CACNA1E: variants seen among roughly 807,000 people sequenced by gnomAD.
The protein encoded by CACNA1E is calcium voltage-gated channel subunit alpha1 E.
CACNA1E carries 40 observed loss-of-function variants against 259.2 expected under a neutral mutation model. The ratio of observed to expected loss-of-function variants is 0.15; its 90% CI spans 0.12 to 0.20. The LOEUF (loss-of-function observed/expected upper bound fraction) is 0.20. Ranked by LOEUF, CACNA1E falls within the 10% of genes least tolerant of loss-of-function variation. The pLI is 1.00. For synonymous variants in CACNA1E, 1,104 were observed against 1,138.5 expected, an observed-to-expected ratio of 0.97 and a Z score of 0.61; for missense variants, 1,874 against 3,040.1, an observed-to-expected ratio of 0.62 and a Z score of 9.02.
At chr1:181,641,703 GTTTTTTTTT>G (rs751082929) in intron 6 of CACNA1E, among the ~76,000 whole-genome samples, 3 of 81,116 alleles carry the variant, frequency 3.7e-5, no homozygotes, top group Admixed American at 1.5e-4. Context: ...CTAATTTTTT[GTTTTTTTTT>G]TTTTTTTTTT....
chr1:181,701,962 G>A (rs879382445), intron 7 of CACNA1E, among the ~76,000 whole-genome samples: 1 of 152,148 alleles, frequency 6.6e-6, no homozygotes, highest in Non-Finnish European at 1.5e-5. Context: ...CAGCAGAGGG[G>A]AAGGAGGGTG....
At position 181,755,378 on chromosome 1, in the gene CACNA1E, G is replaced by A. The variant is rs971399875; in HGVS notation, c.3970G>A (p.Asp1324Asn). 1 of 1,613,768 alleles carries A rather than the reference G, an allele frequency of 6.2e-7. No individual in the cohort carries two copies. Among genetic ancestry groups the A allele is most frequent in the Non-Finnish European group, 8.5e-7 (1 of 1,179,836 alleles). The part of the protein sequence containing the change: ...KFFYCTDSSK[D>N]TEKECIGNYV... ...CTTTTATTGCACGGACAGTTCCAAG[G>A]ACACAGAGAAGGAGTGCATGTAAGT... Residue 1324 changes from aspartate (D) to asparagine (N), a missense_variant, in exon 28 of 48, where the codon GAC (aspartate) becomes AAC (asparagine). By Grantham distance (23) the Asp-to-Asn change is conservative. Around this residue, in one of 14 missense-constraint regions of CACNA1E, gnomAD observed 188 missense variants for 540.6 expected, o/e 0.35. Transcript: ENST00000367573.
chr1:181,398,856 C>T (rs1656881366), intron 1 of CACNA1E, among the ~76,000 whole-genome samples: 1 of 152,170 alleles, frequency 6.6e-6, no homozygotes, highest in Admixed American at 6.5e-5. Context: ...AATCTGTAGC[C>T]CCATCCCTAA....
chr1:181,706,370 C>A (rs1356302749), intron 7 of CACNA1E, among the ~76,000 whole-genome samples: 2 of 152,124 alleles, frequency 1.3e-5, no homozygotes, highest in Non-Finnish European at 2.9e-5. Context: ...AAGGAGTATG[C>A]TTTGTTTCGC....
chr1:181,749,299 A>G (rs1029315360), intron 25 of CACNA1E, among the ~76,000 whole-genome samples: 4 of 152,238 alleles, frequency 2.6e-5, no homozygotes, highest in Admixed American at 1.3e-4. Flanking sequence ...ATAGGGAATC[A>G]TGAGATGCAG....
Position 181,801,350 on chromosome 1 carries a change from G to A in CACNA1E, c.*2516G>A, listed in dbSNP as rs1027344039. Reference sequence around the variant, plus strand: ...AACAACACTAAATTTACTGTGCCAGGAAATCTTCCTGAACTCCTTGAACTC... The same window carrying A: ...AACAACACTAAATTTACTGTGCCAGAAAATCTTCCTGAACTCCTTGAACTC... On this transcript the variant is annotated 3_prime_UTR_variant, in exon 48 of 48. Transcript: ENST00000367573. 1 of 152,486 alleles carries A rather than the reference G, an allele frequency of 6.6e-6. No homozygotes were observed. Among genetic ancestry groups the A allele is most frequent in the African/African-American group, 2.4e-5 (1 of 41,434 alleles). 9.4% of individuals were successfully genotyped at this position (152,486 alleles called of 1,614,324 possible). A position where few individuals can be genotyped will look rare whatever the true frequency, so the allele number is the denominator to read the frequency against.
rs568816025 is a variant in CACNA1E at position 181,345,414 on chromosome 1, A to G, written c.-15+27291A>G. On this transcript the variant is annotated intron_variant, in intron 1 of 11. Coordinates refer to the CACNA1E transcript ENST00000524607. ...TTGCTGCATTTCTTCTTATGGTTCA[A>G]TGTGGCCACATGCCGAGTTGCTGAG... Among the ~76,000 whole-genome samples the G allele has an allele frequency of 3.3e-5, 5 of 152,232 alleles. No homozygotes were observed. In the South Asian group the frequency reaches 6.2e-4, roughly 19 times the overall value.
chr1:181,795,108 C>T, intron 46 of CACNA1E, 64 bp downstream of exon 46: 2 of 1,356,754 alleles, frequency 1.5e-6, no homozygotes, highest in Non-Finnish European at 2.1e-6. Context: ...GATGCACTTA[C>T]TCTCCAAGGA....
intron 3 of CACNA1E, 97 bp from the exon 4 acceptor site, chr1:181,577,669 C>T (rs1651106584): frequency 2.7e-6 from 2 of 740,396 alleles, no homozygotes; most frequent in South Asian, 3.5e-5. Flanking sequence ...GCGCTGTGTG[C>T]TTTCCAGGCT....
chr1:181,541,860 G>A (rs1275447368), intron 3 of CACNA1E, among the ~76,000 whole-genome samples: 1 of 152,140 alleles, frequency 6.6e-6, no homozygotes, highest in Non-Finnish European at 1.5e-5. Context: ...ACTGCTGCTT[G>A]GTCTCTATGT....
chr1:181,540,735 C>A (rs1321992265), intron 3 of CACNA1E, among the ~76,000 whole-genome samples: 1 of 152,182 alleles, frequency 6.6e-6, no homozygotes, highest in African/African-American at 2.4e-5. Flanking sequence ...CTGTACTTAG[C>A]CCACACCATT....
intron 1 of CACNA1E, among the ~76,000 whole-genome samples, chr1:181,339,256 G>A (rs1463639392): frequency 6.6e-6 from 1 of 152,026 alleles, no homozygotes; most frequent in East Asian, 1.9e-4. Context: ...TGGGCAGTGT[G>A]ACCATTTTAA....
chr1:181,402,718 C>T (rs545068019), intron 1 of CACNA1E, among the ~76,000 whole-genome samples: 1 of 152,204 alleles, frequency 6.6e-6, no homozygotes, highest in Admixed American at 6.5e-5. Context: ...AACTTATTAC[C>T]CCCCTGCACA....
chr1:181,581,455 T>C (rs1651536064), intron 6 of CACNA1E, among the ~76,000 whole-genome samples: 1 of 152,210 alleles, frequency 6.6e-6, no homozygotes. Context: ...ATTCTAATTT[T>C]GTGTAGCTTT....
At position 181,720,340 on chromosome 1, in the gene CACNA1E, A is replaced by G; in HGVS notation, c.1883+3A>G. On this transcript the variant is annotated splice_donor_region_variant and intron_variant, in intron 14 of 47. Coordinates refer to ENST00000367573, the MANE Select transcript of CACNA1E (RefSeq NM_001205293.3). ...GGAATGCAGTTATTTGGAGGCAGGT[A>G]AGTGCCCAGAAGCTTTCCATCCAAA... The G allele has an allele frequency of 6.2e-7, 1 of 1,611,490 alleles. No homozygotes were observed. The highest frequency in any genetic ancestry group is 8.5e-7 in the Non-Finnish European group (1 of 1,178,950).
chr1:181,342,769 A>G (rs1345502262), intron 1 of CACNA1E, among the ~76,000 whole-genome samples: 1 of 152,214 alleles, frequency 6.6e-6, no homozygotes, highest in Admixed American at 6.5e-5. Context: ...AAAGAGGACC[A>G]CTGATAGAGA....
intron 1 of CACNA1E, among the ~76,000 whole-genome samples, chr1:181,357,438 A>C (rs1653535405): frequency 6.6e-6 from 1 of 152,256 alleles, no homozygotes; most frequent in African/African-American, 2.4e-5. Flanking sequence ...CCTAGTGAAC[A>C]GGGCTGGACC....
intron 2 of CACNA1E, among the ~76,000 whole-genome samples, chr1:181,447,526 C>T (rs1204428468): frequency 7.7e-6 from 1 of 129,586 alleles, no homozygotes; most frequent in Non-Finnish European, 1.6e-5. Flanking sequence ...GTGAGACCAT[C>T]TCTTAAAAAG....
chr1:181,529,655 A>T (rs1054854908), intron 3 of CACNA1E, among the ~76,000 whole-genome samples: 3 of 152,194 alleles, frequency 2.0e-5, no homozygotes, highest in African/African-American at 7.2e-5. Context: ...TGGATGTGAG[A>T]TCTGGAGTCA....
Sources: allele counts gnomAD v4.1 joint callset (sites outside exome capture counted in the v4.1 genomes callset), GRCh38; gene constraint gnomAD v4.1.1; regional missense constraint gnomAD v4.1.1; transcripts MANE v1.5; gene names NCBI Gene and HGNC (gene_info 2026-07-23, HGNC 2026-07-21).